SYNPR: variants seen among roughly 807,000 people sequenced by gnomAD.
SYNPR encodes the protein synaptoporin.
In SYNPR, 23 loss-of-function variants were observed where a neutral mutation model predicts 32.9. The ratio of observed to expected loss-of-function variants is 0.70; its 90% CI spans 0.50 to 0.99. The LOEUF (loss-of-function observed/expected upper bound fraction) is 0.99, where lower values mean the gene tolerates loss of function less well. Ranked by LOEUF, SYNPR falls within the 50% of genes least tolerant of loss-of-function variation. The probability of loss-of-function intolerance (pLI) is 0.00; values close to 1 mark genes in which losing one functional copy is unlikely to be tolerated. For synonymous variants in SYNPR, 146 were observed against 135.9 expected (o/e 1.07, Z -0.52); for missense variants, 318 against 349.3 (o/e 0.91, Z 0.71).
At chr3:63,428,607 G>A (rs1285305044) in intron 2 of SYNPR, among the ~76,000 whole-genome samples, 1 of 152,180 alleles carries the variant, frequency 6.6e-6, no homozygotes, top group Non-Finnish European at 1.5e-5. Flanking sequence ...TGATCAGCTG[G>A]GCTTTTTGGG....
intron 2 of SYNPR, among the ~76,000 whole-genome samples, chr3:63,387,261 TC>T (rs2088058442): frequency 6.6e-6 from 1 of 152,236 alleles, no homozygotes; most frequent in Admixed American, 6.5e-5. Flanking sequence ...TATTTTTCTT[TC>T]AATCACTCTA....
intron 2 of SYNPR, among the ~76,000 whole-genome samples, chr3:63,383,067 C>A (rs1024308841): frequency 6.6e-6 from 1 of 152,138 alleles, no homozygotes; most frequent in African/African-American, 2.4e-5. Context: ...CTAGGAGATG[C>A]GAAACATTTA....
chr3:63,470,036 G>T (rs1225131488), intron 2 of SYNPR, among the ~76,000 whole-genome samples: 1 of 152,124 alleles, frequency 6.6e-6, no homozygotes, highest in Non-Finnish European at 1.5e-5. Context: ...AGTTACAAAA[G>T]TTATACATGC....
intron 3 of SYNPR, among the ~76,000 whole-genome samples, chr3:63,542,297 C>G (rs77831293): frequency 2.8e-4 from 42 of 152,182 alleles, no homozygotes; most frequent in African/African-American, 8.2e-4. Context: ...AGTTTCAAAC[C>G]TGAAAAGCAA....
chr3:63,615,090 A>G (rs1434529527), intron 5 of SYNPR, 134 bp from the exon 6 acceptor site: 4 of 1,104,866 alleles, frequency 3.6e-6, no homozygotes, highest in Non-Finnish European at 5.1e-6. Flanking sequence ...CCGGTTCCAA[A>G]TGGAAAACTT....
At chr3:63,566,225 A>G (rs1039563060) in intron 4 of SYNPR, among the ~76,000 whole-genome samples, 3 of 152,150 alleles carry the variant, frequency 2.0e-5, no homozygotes, top group Admixed American at 6.5e-5. Context: ...GGCTACCACA[A>G]GTAATTTTGG....
chr3:63,327,577 G>A (rs1211979706), intron 2 of SYNPR, among the ~76,000 whole-genome samples: 1 of 151,986 alleles, frequency 6.6e-6, no homozygotes, highest in Non-Finnish European at 1.5e-5. Context: ...AATACATTTT[G>A]GTATATTTAT....
chr3:63,432,247 A>T (rs1325215447), intron 2 of SYNPR, among the ~76,000 whole-genome samples: 1 of 151,998 alleles, frequency 6.6e-6, no homozygotes, highest in Non-Finnish European at 1.5e-5. Context: ...TCTTTTCTGG[A>T]ATCATCTCCC....
chr3:63,527,804 A>G (rs1702042756), intron 3 of SYNPR, among the ~76,000 whole-genome samples: 1 of 152,082 alleles, frequency 6.6e-6, no homozygotes, highest in African/African-American at 2.4e-5. Flanking sequence ...TGTATCCCCA[A>G]GTGTCAAGTT....
At chr3:63,549,506 TCA>T (rs1463537503) in intron 3 of SYNPR, among the ~76,000 whole-genome samples, 1 of 152,174 alleles carries the variant, frequency 6.6e-6, no homozygotes, top group Non-Finnish European at 1.5e-5. Flanking sequence ...TTTCCAAGCC[TCA>T]GTTTCCTCCT....
upstream of SYNPR, among the ~76,000 whole-genome samples, chr3:63,276,832 G>C (rs746457346): frequency 3.9e-5 from 6 of 151,906 alleles, no homozygotes; most frequent in South Asian, 2.1e-4. Flanking sequence ...ACTAGAAGCT[G>C]CCTCCCCCTC....
At chr3:63,519,979 A>G (rs146034191) in intron 3 of SYNPR, among the ~76,000 whole-genome samples, 44 of 152,326 alleles carry the variant, frequency 2.9e-4, no homozygotes, top group African/African-American at 1.0e-3. Context: ...ATATAAACAC[A>G]TATGTGTCTC....
In SYNPR at chr3:63,239,947, A is replaced by G. The variant is rs550125264; in HGVS notation, n.66+11567A>G. Among the ~76,000 whole-genome samples the G allele has an allele frequency of 2.0e-5, 3 of 152,268 alleles. No individual in the cohort carries two copies. The South Asian group carries it at 6.2e-4, about 32-fold the overall frequency. On this transcript the variant is annotated intron_variant and non_coding_transcript_variant, in intron 1 of 4. Coordinates refer to the SYNPR transcript ENST00000478456. Reference sequence around the variant, plus strand: ...CAATGAAAAGATTTATAAGATGGAAATAGATTATCAGATGGATTTAAGGCC... The same window carrying G: ...CAATGAAAAGATTTATAAGATGGAAGTAGATTATCAGATGGATTTAAGGCC...
chr3:63,406,793 A>T (rs2088366446), intron 2 of SYNPR, among the ~76,000 whole-genome samples: 1 of 152,150 alleles, frequency 6.6e-6, no homozygotes, highest in South Asian at 2.1e-4. Context: ...GATGGCAGGA[A>T]TGAGTTCTAT....
intron 3 of SYNPR, among the ~76,000 whole-genome samples, chr3:63,269,387 G>A (rs1343852540): frequency 6.6e-6 from 1 of 152,048 alleles, no homozygotes; most frequent in African/African-American, 2.4e-5. Flanking sequence ...TACTTGGGAG[G>A]CTGAGGCAGG....
chr3:63,390,671 G>A lies in SYNPR; in HGVS notation c.85-90161G>A, dbSNP rs187899455. On this transcript the variant is annotated intron_variant, in intron 2 of 5. Transcript: ENST00000478300. ...TTCCCCATTCCTTCACACATTCCCA[G>A]TAATGCTCTGGCTCCAGGCTAACCG... Among the ~76,000 whole-genome samples, 9 of 152,324 alleles carry A rather than the reference G, an allele frequency of 5.9e-5. No individual in the cohort carries two copies. In the South Asian group the frequency reaches 6.2e-4, roughly 11 times the overall value.
chr3:63,451,119 T>G (rs1056103586), intron 2 of SYNPR, among the ~76,000 whole-genome samples: 2 of 152,102 alleles, frequency 1.3e-5, no homozygotes, highest in Non-Finnish European at 2.9e-5. Flanking sequence ...CCATTATGAG[T>G]AATAATGAGT....
chr3:63,541,870 G>A (rs1400220355), intron 3 of SYNPR, among the ~76,000 whole-genome samples: 2 of 152,096 alleles, frequency 1.3e-5, no homozygotes, highest in African/African-American at 2.4e-5. Context: ...CTTCTCAAGA[G>A]GGCACTTGGG....
intron 3 of SYNPR, among the ~76,000 whole-genome samples, chr3:63,516,264 G>T (rs899459362): frequency 6.6e-6 from 1 of 151,896 alleles, no homozygotes; most frequent in Admixed American, 6.6e-5. Context: ...CCCCATCTTT[G>T]CTTATCTTGG....
Sources: gnomAD v4.1 joint callset for allele counts (sites outside exome capture counted in the v4.1 genomes callset) on GRCh38, gnomAD v4.1.1 for gene constraint, MANE v1.5 for transcripts, NCBI Gene and HGNC (gene_info 2026-07-23, HGNC 2026-07-21) for gene names.